TNRC6A: variants seen among roughly 807,000 people sequenced by gnomAD.
TNRC6A encodes the protein trinucleotide repeat-containing gene 6A protein.
Under a neutral mutation model 221.2 loss-of-function variants are expected in TNRC6A, and 44 were observed. That is an observed-to-expected ratio of 0.20 (90% CI 0.16 to 0.26). The LOEUF (loss-of-function observed/expected upper bound fraction) is 0.26. Ranked by LOEUF, TNRC6A falls within the 10% of genes least tolerant of loss-of-function variation. The pLI, the probability that TNRC6A is intolerant of heterozygous loss-of-function variation, is 1.00. For missense variants in TNRC6A, 2,199 were observed against 2,404.4 expected, an observed-to-expected ratio of 0.91 and a Z score of 1.79; for synonymous variants, 847 against 838.5, an observed-to-expected ratio of 1.01 and a Z score of -0.18.
chr16:24,789,613 G>C lies in TNRC6A; in HGVS notation c.971G>C (p.Cys324Ser). ...TCCCATGGAGCCATAATAAGCACAT[G>C]TCAGGTCTCTGTGGATGCTCCTGAA... ...GFSHGAIIST[C>S]QVSVDAPESK... The change falls in exon 6 of 25, where the codon TGT (cysteine) becomes TCT (serine). Residue 324 changes from cysteine to serine, a missense_variant. Physicochemically the swap from Cys to Ser is moderately radical, Grantham distance 112 (BLOSUM62 -1). Around this residue, in one of 8 missense-constraint regions of TNRC6A, gnomAD observed 1,405 missense variants for 1,400.2 expected, o/e 1.00. Transcript: ENST00000395799. The C allele has an allele frequency of 6.2e-7, 1 of 1,614,140 alleles. No individual in the cohort carries two copies. Among genetic ancestry groups the C allele is most frequent in the Non-Finnish European group, 8.5e-7 (1 of 1,180,038 alleles).
chr16:24,821,553 G>T (rs149526050), intron 22 of TNRC6A, among the ~76,000 whole-genome samples: 45 of 152,256 alleles, frequency 3.0e-4, no homozygotes, highest in African/African-American at 1.0e-3. Context: ...GTTGCAGATG[G>T]GGTCAGGGAT....
intron 2 of TNRC6A, among the ~76,000 whole-genome samples, chr16:24,710,275 A>G (rs549340831): frequency 6.6e-6 from 1 of 152,188 alleles, no homozygotes; most frequent in African/African-American, 2.4e-5. Flanking sequence ...AGTTCAAAGC[A>G]CAGAAAAAAT....
chr16:24,650,528 G>A (rs529892590), intron 2 of TNRC6A, among the ~76,000 whole-genome samples: 5 of 152,200 alleles, frequency 3.3e-5, no homozygotes, highest in East Asian at 1.9e-4. Context: ...AGCCTGGCAC[G>A]GTGGCAGGTG....
chr16:24,805,232 C>G, intron 14 of TNRC6A, 81 bp downstream of exon 14: 1 of 1,549,690 alleles, frequency 6.5e-7, no homozygotes, highest in Middle Eastern at 1.7e-4. Context: ...AAATGGCTAA[C>G]TAAGCATTAT....
chr16:24,743,348 G>T (rs2056932181), intron 2 of TNRC6A, among the ~76,000 whole-genome samples: 1 of 151,964 alleles, frequency 6.6e-6, no homozygotes, highest in Admixed American at 6.6e-5. Flanking sequence ...TTGAGAAAGG[G>T]CTTTACTCTG....
intron 2 of TNRC6A, among the ~76,000 whole-genome samples, chr16:24,664,230 G>T (rs1726642880): frequency 6.6e-6 from 1 of 151,960 alleles, no homozygotes; most frequent in African/African-American, 2.4e-5. Flanking sequence ...TATTCGGGAG[G>T]CTGAGGCAGG....
intron 1 of TNRC6A, among the ~76,000 whole-genome samples, chr16:24,623,531 GCAGGGCCCACTA>G (rs1900795518): frequency 6.6e-6 from 1 of 152,062 alleles, no homozygotes; most frequent in South Asian, 2.1e-4. Context: ...TCAGATGTCG[GCAGGGCCCACTA>G]CAGAATTTGT....
At position 24,689,261 on chromosome 16, in the gene TNRC6A, A is replaced by C. The variant is rs567584312; in HGVS notation, n.402+48252A>C. Among the ~76,000 whole-genome samples, 22 of 152,300 alleles carry C rather than the reference A, an allele frequency of 1.4e-4. No individual in the cohort carries two copies. The South Asian group carries it at 4.1e-3, about 29-fold the overall frequency. On this transcript the variant is annotated intron_variant and non_coding_transcript_variant, in intron 2 of 2. Transcript: ENST00000566108. ...ACATAGACACAAACAAACAAGCAAC[A>C]CATGTTCTTCCAGAGAAGAGTGACA...
intron 19 of TNRC6A, 199 bp from the exon 20 acceptor site, chr16:24,816,617 T>G: frequency 1.7e-6 from 1 of 604,362 alleles, no homozygotes; most frequent in East Asian, 3.0e-5. Context: ...ATTTCAGTTG[T>G]AAAAACTTGC....
chr16:24,800,867 A>G (rs2058318025), intron 11 of TNRC6A, among the ~76,000 whole-genome samples: 1 of 152,210 alleles, frequency 6.6e-6, no homozygotes, highest in Non-Finnish European at 1.5e-5. Flanking sequence ...TGGCCCAGGA[A>G]GCAACACCCT....
chr16:24,780,895 G>A (rs760250232), intron 5 of TNRC6A, among the ~76,000 whole-genome samples: 4 of 151,840 alleles, frequency 2.6e-5, no homozygotes, highest in Non-Finnish European at 4.4e-5. Flanking sequence ...CCATCCATCC[G>A]TGCTCTTGCA....
At chr16:24,632,244 C>T (rs1195532579) in intron 1 of TNRC6A, among the ~76,000 whole-genome samples, 1 of 152,162 alleles carries the variant, frequency 6.6e-6, no homozygotes, top group African/African-American at 2.4e-5. Flanking sequence ...TGCTGATCAT[C>T]CCCCTGTGGT....
At chr16:24,627,250 C>T (rs181035413) in intron 1 of TNRC6A, among the ~76,000 whole-genome samples, 2 of 152,232 alleles carry the variant, frequency 1.3e-5, no homozygotes, top group East Asian at 3.9e-4. Flanking sequence ...TCCTTCTCCT[C>T]CCCTACATCA....
At chr16:24,779,003 A>G (rs1596686958) in intron 5 of TNRC6A, among the ~76,000 whole-genome samples, 1 of 152,342 alleles carries the variant, frequency 6.6e-6, no homozygotes, top group East Asian at 1.9e-4. Context: ...AAAATATGTC[A>G]AATATGCCTT....
In TNRC6A at chr16:24,729,717, G is replaced by T; in HGVS notation, c.-125G>T. 1 of 1,141,628 alleles carries T rather than the reference G, an allele frequency of 8.8e-7. No individual in the cohort carries two copies. Among genetic ancestry groups the T allele is most frequent in the Non-Finnish European group, 1.1e-6 (1 of 889,816 alleles). The allele number at this position is 1,141,628 out of a possible 1,614,324, so 70.7% of individuals were successfully genotyped here. On this transcript the variant is annotated 5_prime_UTR_variant, in exon 1 of 25. Transcript: ENST00000395799. ...GGCGGCGGCGGCGGCGGCGGCGGCG[G>T]CAGCGGGTCGGTGTAGAAAATGGCG...
chr16:24,762,779 C>T (rs996163698), intron 4 of TNRC6A, among the ~76,000 whole-genome samples: 6 of 152,204 alleles, frequency 3.9e-5, no homozygotes, highest in Admixed American at 3.9e-4. Flanking sequence ...CAGAATTTGA[C>T]TACGAACTTG....
At chr16:24,726,682 A>G (rs2151116059), upstream of TNRC6A, among the ~76,000 whole-genome samples, 1 of 152,286 alleles carries the variant, frequency 6.6e-6, no homozygotes, top group African/African-American at 2.4e-5. Context: ...CGAGAGCAGA[A>G]AAATGGAGCT....
intron 2 of TNRC6A, among the ~76,000 whole-genome samples, chr16:24,656,382 G>A (rs773263229): frequency 2.9e-4 from 44 of 149,496 alleles, no homozygotes; most frequent in Non-Finnish European, 4.6e-4. Context: ...AAGGAGAATC[G>A]CTTGAACCCG....
At chr16:24,669,325 C>CA (rs2055241491) in intron 2 of TNRC6A, among the ~76,000 whole-genome samples, 1 of 152,016 alleles carries the variant, frequency 6.6e-6, no homozygotes, top group African/African-American at 2.4e-5. Flanking sequence ...ATAGTCTCTA[C>CA]AAAAAATTTA....
Sources: allele counts gnomAD v4.1 joint callset (sites outside exome capture counted in the v4.1 genomes callset), GRCh38; gene constraint gnomAD v4.1.1; regional missense constraint gnomAD v4.1.1; transcripts MANE v1.5; gene names NCBI Gene and HGNC (gene_info 2026-07-23, HGNC 2026-07-21).